The following RIMS2 variants were observed in gnomAD, a reference collection of about 807,000 sequenced individuals.
The protein encoded by RIMS2 is regulating synaptic membrane exocytosis 2, also known as regulating synaptic membrane exocytosis protein 2.
Under a neutral mutation model 174.4 loss-of-function variants are expected in RIMS2, and 59 were observed. The ratio of observed to expected loss-of-function variants is 0.34; its 90% CI spans 0.27 to 0.42. The LOEUF (loss-of-function observed/expected upper bound fraction) is 0.42. RIMS2 is among the 10% of genes least tolerant of loss of function. The pLI is 1.00. For missense variants in RIMS2, 1,620 were observed against 1,666.3 expected, an observed-to-expected ratio of 0.97 and a Z score of 0.48; for synonymous variants, 606 against 572.5, an observed-to-expected ratio of 1.06 and a Z score of -0.84.
chr8:104,043,098 T>C (rs547661488), intron 19 of RIMS2, among the ~76,000 whole-genome samples: 2 of 151,656 alleles, frequency 1.3e-5, no homozygotes, highest in Admixed American at 6.6e-5. Flanking sequence ...AAGACAAATA[T>C]GTTGTTAAAT....
At chr8:103,572,565 TG>T (rs1183517582) in intron 1 of RIMS2, among the ~76,000 whole-genome samples, 1 of 150,320 alleles carries the variant, frequency 6.7e-6, no homozygotes, top group Non-Finnish European at 1.5e-5. Flanking sequence ...AAAATCTGTT[TG>T]TTTTTTTTTT....
Position 104,013,688 on chromosome 8 carries a change from C to T in RIMS2, c.3224+67C>T, listed in dbSNP as rs565052408. 15 of 1,316,752 alleles carry T rather than the reference C, an allele frequency of 1.1e-5. No individual in the cohort carries two copies. The East Asian group carries it at 1.4e-4, about 12-fold the overall frequency. 81.6% of individuals were successfully genotyped at this position (1,316,752 alleles called of 1,614,324 possible). The stretch of plus-strand genomic sequence containing the variant: ...CCAGCACACCATTTTATTTTCCCAA[C>T]AGTTAACTGGTCTCTTCTATCATCT... On this transcript the variant is annotated intron_variant, in intron 18 of 23. Transcript: ENST00000504942.
chr8:103,980,643 C>T lies in RIMS2; in HGVS notation c.2927+5137C>T, dbSNP rs896942252. 5.3e-5 allele frequency among the ~76,000 whole-genome samples: 8 copies of T among 152,184 alleles called. 1 individual carries two copies. The highest frequency in any genetic ancestry group is 3.2e-3 in the Middle Eastern group (1 of 316). Reference sequence around the variant, plus strand: ...GGCTCATGGAGTCCCTGAGTACAAGCTTAGTACAAGCTCAGCATTTCAGTA... The same window carrying T: ...GGCTCATGGAGTCCCTGAGTACAAGTTTAGTACAAGCTCAGCATTTCAGTA... On this transcript the variant is annotated intron_variant, in intron 16 of 23. Coordinates refer to ENST00000504942, the Ensembl canonical transcript of RIMS2.
intron 22 of RIMS2, 97 bp downstream of exon 28, chr8:104,249,685 A>C: frequency 1.5e-6 from 1 of 685,014 alleles, no homozygotes; most frequent in Admixed American, 2.4e-5. Flanking sequence ...TTAGTTAATC[A>C]AGATTACTAA....
At chr8:103,763,022 G>T (rs1161087165) in intron 2 of RIMS2, among the ~76,000 whole-genome samples, 1 of 152,126 alleles carries the variant, frequency 6.6e-6, no homozygotes, top group East Asian at 1.9e-4. Context: ...GCAGCACATG[G>T]CAGTACTTGA....
intron 1 of RIMS2, among the ~76,000 whole-genome samples, chr8:103,649,420 G>T (rs2096407177): frequency 6.6e-6 from 1 of 151,902 alleles, no homozygotes; most frequent in African/African-American, 2.4e-5. Flanking sequence ...TATGTGTCTT[G>T]GGGTTGATCT....
intron 1 of RIMS2, among the ~76,000 whole-genome samples, chr8:103,531,438 A>C (rs1837091787): frequency 6.6e-6 from 1 of 152,188 alleles, no homozygotes; most frequent in Non-Finnish European, 1.5e-5. Context: ...GAAAATTAAA[A>C]AGTATTTTTA....
intron 14 of RIMS2, among the ~76,000 whole-genome samples, chr8:103,959,681 C>G (rs2089178120): frequency 6.6e-6 from 1 of 152,052 alleles, no homozygotes; most frequent in Non-Finnish European, 1.5e-5. Context: ...GCCTCAGCTT[C>G]CCAGAGTGCT....
chr8:103,720,694 A>G (rs963335557), intron 2 of RIMS2, among the ~76,000 whole-genome samples: 1 of 152,182 alleles, frequency 6.6e-6, no homozygotes, highest in African/African-American at 2.4e-5. Context: ...TATCAGCAAC[A>G]TAGAGGTATT....
intron 3 of RIMS2, among the ~76,000 whole-genome samples, chr8:103,848,758 GC>G (rs2098981486): frequency 6.6e-6 from 1 of 151,936 alleles, no homozygotes; most frequent in Non-Finnish European, 1.5e-5. Context: ...TTTGCTCTGG[GC>G]CCTACTCTGA....
chr8:103,642,681 A>G (rs2096253538), intron 1 of RIMS2, among the ~76,000 whole-genome samples: 1 of 152,030 alleles, frequency 6.6e-6, no homozygotes, highest in Admixed American at 6.6e-5. Flanking sequence ...TTGAAGGATA[A>G]TTTGACTGAG....
intron 19 of RIMS2, among the ~76,000 whole-genome samples, chr8:104,146,754 G>A (rs1284673733): frequency 1.3e-5 from 2 of 152,128 alleles, no homozygotes; most frequent in African/African-American, 4.8e-5. Context: ...AAGCTGGAGT[G>A]CAGTGGCACC....
rs1826613193 is a variant in RIMS2, at chr8:103,511,921, A to G, written c.176+10859A>G. Among the ~76,000 whole-genome samples the G allele has an allele frequency of 4.6e-5, 7 of 152,158 alleles. No homozygotes were observed. The South Asian group carries it at 1.4e-3, about 31-fold the overall frequency. ...TGTCTGAGGCTGAGATTCAGCCCTC[A>G]TTGGAGGATGTGATTGTGGCTCACT... On this transcript the variant is annotated intron_variant, in intron 1 of 23. Coordinates refer to ENST00000504942, the Ensembl canonical transcript of RIMS2.
At chr8:103,696,700 C>T (rs1029349589) in intron 1 of RIMS2, among the ~76,000 whole-genome samples, 1 of 151,566 alleles carries the variant, frequency 6.6e-6, no homozygotes, top group African/African-American at 2.4e-5. Context: ...TGCATCTCTA[C>T]TAAAAATATA....
rs1261331153 is a variant in RIMS2, at chr8:104,059,459, G to C, written c.3334+44844G>C. On this transcript the variant is annotated intron_variant, in intron 19 of 23. Coordinates refer to ENST00000504942, the Ensembl canonical transcript of RIMS2. ...TGCTGAAGTTGCTTACCAGCTTAAG[G>C]AGATTTTGGGCTGAGACAATGGGGT... 4.0e-5 allele frequency among the ~76,000 whole-genome samples: 6 copies of C among 151,284 alleles called. No individual in the cohort carries two copies. In the East Asian group the frequency reaches 1.2e-3, roughly 29 times the overall value.
chr8:103,598,644 G>C (rs915495355), intron 1 of RIMS2, among the ~76,000 whole-genome samples: 2 of 152,094 alleles, frequency 1.3e-5, no homozygotes, highest in Admixed American at 1.3e-4. Flanking sequence ...ATTATTATTT[G>C]TTACTTGCCC....
intron 17 of RIMS2, among the ~76,000 whole-genome samples, chr8:104,001,000 T>C (rs2095361941): frequency 6.6e-6 from 1 of 151,966 alleles, no homozygotes; most frequent in Non-Finnish European, 1.5e-5. Flanking sequence ...AAATTTTTTC[T>C]TCCATTCTGT....
At chr8:103,591,375 C>T (rs2094248946) in intron 1 of RIMS2, among the ~76,000 whole-genome samples, 1 of 150,882 alleles carries the variant, frequency 6.6e-6, no homozygotes, top group Admixed American at 6.6e-5. Context: ...TTCTCATTTT[C>T]TTCATAATAT....
At chr8:103,738,443 A>G (rs2097715781) in intron 2 of RIMS2, among the ~76,000 whole-genome samples, 2 of 152,240 alleles carry the variant, frequency 1.3e-5, no homozygotes, top group African/African-American at 4.8e-5. Context: ...AAGAAAGCCT[A>G]GGCAATACCA....
Sources: allele counts gnomAD v4.1 joint callset (sites outside exome capture counted in the v4.1 genomes callset), GRCh38; gene constraint gnomAD v4.1.1; transcripts MANE v1.5; gene names NCBI Gene and HGNC (gene_info 2026-07-23, HGNC 2026-07-21).